DSCAM: variants seen among roughly 807,000 people sequenced by gnomAD.
DSCAM encodes the protein DS cell adhesion molecule.
DSCAM carries 47 observed loss-of-function variants against 217.7 expected under a neutral mutation model. That is an observed-to-expected ratio of 0.22 (90% CI 0.17 to 0.28). DSCAM has a LOEUF of 0.28. DSCAM is among the 10% of genes least tolerant of loss of function. The pLI, the probability that DSCAM is intolerant of heterozygous loss-of-function variation, is 1.00. For synonymous variants in DSCAM, 1,056 were observed against 1,015.3 expected (o/e 1.04, Z -0.76); for missense variants, 2,080 against 2,618.3 (o/e 0.79, Z 4.49).
At chr21:40,029,937 A>G (rs1239758754) in intron 32 of DSCAM, among the ~76,000 whole-genome samples, 1 of 152,206 alleles carries the variant, frequency 6.6e-6, no homozygotes, top group South Asian at 2.1e-4. Context: ...AATGTTTATC[A>G]TAAATATTAT....
intron 15 of DSCAM, among the ~76,000 whole-genome samples, chr21:40,167,646 C>T (rs1013349264): frequency 1.3e-5 from 2 of 152,210 alleles, no homozygotes; most frequent in African/African-American, 4.8e-5. Context: ...AGGTCCTTCT[C>T]TCCCCGCTGG....
At chr21:40,558,709 A>G (rs1264644760) in intron 3 of DSCAM, among the ~76,000 whole-genome samples, 1 of 152,178 alleles carries the variant, frequency 6.6e-6, no homozygotes, top group Non-Finnish European at 1.5e-5. Flanking sequence ...ATTTTCAAAG[A>G]GATGGTTCAC....
chr21:40,271,220 T>C (rs563346367), intron 11 of DSCAM, among the ~76,000 whole-genome samples: 3 of 152,262 alleles, frequency 2.0e-5, no homozygotes, highest in East Asian at 3.9e-4. Flanking sequence ...CCACATTACA[T>C]AGGCTGGACT....
intron 8 of DSCAM, among the ~76,000 whole-genome samples, chr21:40,332,193 T>C (rs1156360903): frequency 6.6e-6 from 1 of 152,242 alleles, no homozygotes; most frequent in Non-Finnish European, 1.5e-5. Context: ...TTTTAACATG[T>C]TGTCTGTCTT....
At chr21:40,027,146 G>C (rs2088406251) in intron 32 of DSCAM, among the ~76,000 whole-genome samples, 1 of 151,866 alleles carries the variant, frequency 6.6e-6, no homozygotes, top group Admixed American at 6.5e-5. Context: ...AGCTTAGTTT[G>C]GCTGGATATG....
intron 3 of DSCAM, among the ~76,000 whole-genome samples, chr21:40,433,551 G>C (rs1421646957): frequency 6.6e-6 from 1 of 152,156 alleles, no homozygotes; most frequent in African/African-American, 2.4e-5. Context: ...CAAAAGCTTG[G>C]AGAGAGTTGG....
At chr21:40,564,235 T>C (rs1200851565) in intron 3 of DSCAM, among the ~76,000 whole-genome samples, 4 of 152,296 alleles carry the variant, frequency 2.6e-5, no homozygotes, top group Non-Finnish European at 5.9e-5. Context: ...GGAAACAAAG[T>C]GGTTAGGGAA....
chr21:40,508,756 TATATATATATATATATATATATATA>T (rs1379006927), intron 3 of DSCAM, among the ~76,000 whole-genome samples: 3,733 of 42,086 alleles, frequency 0.089, 306 homozygotes, highest in African/African-American at 0.1. Context: ...TATATATATA[TATATATATATATATATATATATATA>T]TATTTTTTTT....
At chr21:40,042,307 T>C in intron 32 of DSCAM, 64 bp downstream of exon 32, 1 of 1,554,400 alleles carries the variant, frequency 6.4e-7, no homozygotes, top group Non-Finnish European at 8.7e-7. Context: ...TCACAGCAGA[T>C]GAGGGAGGAC....
At chr21:40,266,399 G>T (rs34150875) in intron 11 of DSCAM, among the ~76,000 whole-genome samples, 1,737 of 152,100 alleles carry the variant, frequency 0.011, 34 homozygotes, top group African/African-American at 0.04. Flanking sequence ...CACACTGCTG[G>T]TGGGAATGTA....
chr21:40,195,600 G>C (rs1283859094), intron 11 of DSCAM, among the ~76,000 whole-genome samples: 1 of 152,270 alleles, frequency 6.6e-6, no homozygotes, highest in African/African-American at 2.4e-5. Flanking sequence ...GACTTCCAGT[G>C]TTTTAACACA....
At chr21:40,546,424 TC>T (rs1264789487) in intron 3 of DSCAM, among the ~76,000 whole-genome samples, 1 of 152,176 alleles carries the variant, frequency 6.6e-6, no homozygotes, top group African/African-American at 2.4e-5. Flanking sequence ...GTCTGACAGA[TC>T]TGGATTCAAA....
Position 40,258,967 on chromosome 21 carries a change from C to A in DSCAM, c.2356+17130G>T, listed in dbSNP as rs542152627. On this transcript the variant is annotated intron_variant, in intron 11 of 32. Coordinates refer to ENST00000400454, the MANE Select transcript of DSCAM (RefSeq NM_001389.5). ...TGGGGCAAAACTGCTGGCGGGTGTA[C>A]CCCTTCTGCAGAAAGTAAAAATGGC... is the stretch of plus-strand genomic sequence containing the variant. 5.1e-4 allele frequency among the ~76,000 whole-genome samples: 78 copies of A among 152,248 alleles called. 1 individual carries two copies. Among genetic ancestry groups the A allele is most frequent in the African/African-American group, 1.7e-3 (72 of 41,534 alleles).
chr21:40,409,003 C>T lies in DSCAM; in HGVS notation c.509-39758G>A, dbSNP rs540617487. Among the ~76,000 whole-genome samples the T allele has an allele frequency of 3.3e-5, 5 of 152,228 alleles. No homozygotes were observed. In the South Asian group the frequency reaches 1.0e-3, roughly 32 times the overall value. Reference sequence around the variant, plus strand: ...GGTTATCTTTTTCTCTGAGAAATCACTAAATATTTATTTGGATAACAATTA... The same window carrying T: ...GGTTATCTTTTTCTCTGAGAAATCATTAAATATTTATTTGGATAACAATTA... On this transcript the variant is annotated intron_variant, in intron 3 of 32. Coordinates refer to ENST00000400454, the MANE Select transcript of DSCAM (RefSeq NM_001389.5).
intron 3 of DSCAM, among the ~76,000 whole-genome samples, chr21:40,380,715 T>C (rs1012015576): frequency 6.6e-6 from 1 of 152,120 alleles, no homozygotes; most frequent in African/African-American, 2.4e-5. Context: ...AAAAGTATGT[T>C]TGAGGCGGGA....
In DSCAM at chr21:40,386,805, T is replaced by G. The variant is rs902005728; in HGVS notation, c.509-17560A>C. ...TGACGTTTTTCTTGAACTCCACGTT[T>G]ATTTATATTATTTTTTAATTTCATT... On this transcript the variant is annotated intron_variant, in intron 3 of 32. Coordinates refer to ENST00000400454, the MANE Select transcript of DSCAM (RefSeq NM_001389.5). Among the ~76,000 whole-genome samples the G allele has an allele frequency of 2.0e-5, 3 of 152,220 alleles. No individual in the cohort carries two copies. The South Asian group carries it at 6.2e-4, about 32-fold the overall frequency.
At chr21:40,022,109 A>G (rs562211881) in intron 32 of DSCAM, among the ~76,000 whole-genome samples, 1 of 152,160 alleles carries the variant, frequency 6.6e-6, no homozygotes, top group Non-Finnish European at 1.5e-5. Flanking sequence ...TCATCAAACA[A>G]TGGTTCTTGC....
In DSCAM at chr21:40,066,247, C is replaced by T. The variant is rs575433474; in HGVS notation, c.4889-3348G>A. On this transcript the variant is annotated intron_variant, in intron 27 of 32. Transcript: ENST00000400454. ...GTCCCTGATCCATAGTGAAGCTGCA[C>T]AAAGATTTCCTGAGGACACATTTAA... is the stretch of plus-strand genomic sequence containing the variant. Among the ~76,000 whole-genome samples the T allele has an allele frequency of 2.6e-5, 4 of 152,358 alleles. No homozygotes were observed. In the South Asian group the frequency reaches 8.3e-4, roughly 32 times the overall value.
intron 4 of DSCAM, among the ~76,000 whole-genome samples, chr21:40,358,027 G>A (rs796126175): frequency 1.3e-5 from 2 of 152,148 alleles, no homozygotes; most frequent in South Asian, 2.1e-4. Context: ...TAGAAGTAGA[G>A]TTGGAGAAGG....
Sources: gnomAD v4.1 joint callset for allele counts (sites outside exome capture counted in the v4.1 genomes callset) on GRCh38, gnomAD v4.1.1 for gene constraint, MANE v1.5 for transcripts, NCBI Gene and HGNC (gene_info 2026-07-23, HGNC 2026-07-21) for gene names.